Variants in KLHL2 observed in about 807,000 individuals in gnomAD.
The protein encoded by KLHL2 is kelch like family member 2.
A neutral mutation model predicts 75.8 loss-of-function variants in KLHL2; 15 were observed. The observed-to-expected ratio is 0.20, with a 90% CI of 0.13 to 0.30. The LOEUF (loss-of-function observed/expected upper bound fraction) is 0.30, where lower values mean the gene tolerates loss of function less well. Among genes scored for constraint, KLHL2 ranks in the 10% least tolerant of loss-of-function variants. KLHL2 has a pLI of 1.00. For missense variants in KLHL2, 381 were observed against 741.0 expected (o/e 0.51, Z 5.64); for synonymous variants, 214 against 251.9 (o/e 0.85, Z 1.42).
At chr4:165,245,405 A>G (rs992315275) in intron 4 of KLHL2, among the ~76,000 whole-genome samples, 1 of 152,104 alleles carries the variant, frequency 6.6e-6, no homozygotes, top group Admixed American at 6.6e-5. Context: ...CCCTGGGTGA[A>G]CACTCAAGCC....
chr4:165,226,370 T>C (rs971071618), intron 2 of KLHL2, among the ~76,000 whole-genome samples: 4 of 152,212 alleles, frequency 2.6e-5, no homozygotes, highest in African/African-American at 4.8e-5. Flanking sequence ...TGGGATTCTT[T>C]TGCTCCTTCT....
In KLHL2 at chr4:165,217,963, C is replaced by T. The variant is rs374722296; in HGVS notation, c.27-1971C>T. ...CAGAAACTCAGTCCTTTCTCTTGTT[C>T]AGGCCAAAAGACTTGGAGTCATTCT... On this transcript the variant is annotated intron_variant, in intron 1 of 14. Transcript: ENST00000226725. 2.3e-3 allele frequency among the ~76,000 whole-genome samples: 344 copies of T among 152,274 alleles called. 2 individuals are homozygous for T. Among genetic ancestry groups the T allele is most frequent in the African/African-American group, 7.8e-3 (325 of 41,558 alleles).
intron 5 of KLHL2, among the ~76,000 whole-genome samples, chr4:165,291,966 A>T (rs1284492972): frequency 6.6e-6 from 1 of 152,102 alleles, no homozygotes; most frequent in African/African-American, 2.4e-5. Flanking sequence ...ACATGGTGGG[A>T]TTACAGGTGT....
chr4:165,227,836 A>G (rs1738564028), intron 2 of KLHL2, among the ~76,000 whole-genome samples: 1 of 152,084 alleles, frequency 6.6e-6, no homozygotes, highest in South Asian at 2.1e-4. Context: ...ATTATAATGG[A>G]TGTTTTAAAA....
intron 9 of KLHL2, among the ~76,000 whole-genome samples, chr4:165,307,234 G>A (rs1745802939): frequency 6.6e-6 from 1 of 152,178 alleles, no homozygotes; most frequent in Non-Finnish European, 1.5e-5. Context: ...CTTGAACCTG[G>A]GAGGCGGAGG....
intron 5 of KLHL2, among the ~76,000 whole-genome samples, chr4:165,285,753 T>C (rs1299486952): frequency 6.9e-6 from 1 of 144,098 alleles, no homozygotes; most frequent in Non-Finnish European, 1.5e-5. Flanking sequence ...TTAAAAATGG[T>C]TACGGTGGTA....
intron 5 of KLHL2, among the ~76,000 whole-genome samples, chr4:165,264,067 G>T (rs1370419293): frequency 6.6e-6 from 1 of 151,900 alleles, no homozygotes; most frequent in Non-Finnish European, 1.5e-5. Context: ...TCTGCAGTTG[G>T]GGAGGAGACA....
intron 5 of KLHL2, among the ~76,000 whole-genome samples, chr4:165,289,981 T>G (rs1025578544): frequency 5.9e-5 from 9 of 152,202 alleles, no homozygotes; most frequent in Admixed American, 5.9e-4. Context: ...GAAAATATTT[T>G]TATAATGGAT....
Position 165,290,161 on chromosome 4 carries a change from T to C in KLHL2, c.545-4198T>C, listed in dbSNP as rs910208824. 3.3e-5 allele frequency among the ~76,000 whole-genome samples: 5 copies of C among 152,106 alleles called. No individual in the cohort carries two copies. In the South Asian group the frequency reaches 8.3e-4, roughly 25 times the overall value. On this transcript the variant is annotated intron_variant, in intron 5 of 14. Coordinates refer to ENST00000226725, the MANE Select transcript of KLHL2 (RefSeq NM_007246.4). ...TAGAGCTCTTTTTTTATTTGTTTTT[T>C]TTTGAGACAGGGTCTCACTCTGTCA... is the stretch of plus-strand genomic sequence containing the variant.
intron 5 of KLHL2, chr4:165,277,768 C>T: frequency 3.3e-6 from 2 of 610,498 alleles, no homozygotes; most frequent in South Asian, 3.9e-5. Context: ...CACACACACA[C>T]ACACACACAC....
At chr4:165,294,327 G>C in intron 5 of KLHL2, 32 bp from the exon 6 acceptor site, 1 of 1,193,782 alleles carries the variant, frequency 8.4e-7, no homozygotes, top group Non-Finnish European at 1.2e-6. Context: ...GAATGTTGAT[G>C]TTAGTGGATT....
At chr4:165,236,264 T>C (rs543306798) in intron 3 of KLHL2, among the ~76,000 whole-genome samples, 32 of 152,244 alleles carry the variant, frequency 2.1e-4, no homozygotes, top group Admixed American at 5.2e-4. Context: ...AGTTCTGATA[T>C]AACCTCAGAG....
chr4:165,256,532 A>C (rs1205208271), intron 4 of KLHL2, among the ~76,000 whole-genome samples: 3 of 152,202 alleles, frequency 2.0e-5, no homozygotes. Flanking sequence ...CAACACGCCA[A>C]AGTGAGGCAA....
At chr4:165,211,955 G>A (rs1415276864) in intron 1 of KLHL2, among the ~76,000 whole-genome samples, 1 of 152,156 alleles carries the variant, frequency 6.6e-6, no homozygotes, top group African/African-American at 2.4e-5. Flanking sequence ...ATCTATGGCT[G>A]TTACGGATTT....
intron 5 of KLHL2, among the ~76,000 whole-genome samples, chr4:165,292,053 T>A (rs575601033): frequency 6.6e-6 from 1 of 152,300 alleles, no homozygotes; most frequent in South Asian, 2.1e-4. Context: ...GTGTATGTGC[T>A]ATAGTTGTTT....
chr4:165,220,448 G>A (rs1032076087), intron 2 of KLHL2, among the ~76,000 whole-genome samples: 7 of 151,990 alleles, frequency 4.6e-5, no homozygotes, highest in Non-Finnish European at 7.4e-5. Context: ...GGCCAGGTGC[G>A]GTGACTCATG....
chr4:165,252,982 C>T (rs1295599835), intron 4 of KLHL2, among the ~76,000 whole-genome samples: 3 of 152,200 alleles, frequency 2.0e-5, no homozygotes, highest in South Asian at 2.1e-4. Flanking sequence ...CTTAAAGTGG[C>T]ATAGTATTAA....
chr4:165,302,006 T>C (rs941613246), intron 8 of KLHL2, among the ~76,000 whole-genome samples: 2 of 152,244 alleles, frequency 1.3e-5, no homozygotes, highest in Non-Finnish European at 2.9e-5. Context: ...GTTGTGGTTT[T>C]GGAGTAGGAC....
chr4:165,209,876 C>T (rs969376243), intron 1 of KLHL2: 1 of 558,996 alleles, frequency 1.8e-6, no homozygotes, highest in Admixed American at 3.4e-5. Flanking sequence ...ATTTGCCATT[C>T]TGTGGATCAG....
Sources: allele counts gnomAD v4.1 joint callset (sites outside exome capture counted in the v4.1 genomes callset), GRCh38; gene constraint gnomAD v4.1.1; transcripts MANE v1.5; gene names NCBI Gene and HGNC (gene_info 2026-07-23, HGNC 2026-07-21).